Variants in RPS6KC1 observed in about 807,000 individuals in gnomAD.
RPS6KC1 encodes inactive ribosomal protein S6 kinase delta-1.
RPS6KC1 carries 54 observed loss-of-function variants against 103.8 expected under a neutral mutation model. The observed-to-expected ratio is 0.52, with a 90% CI of 0.42 to 0.65. RPS6KC1 has a LOEUF of 0.65. Ranked by LOEUF, RPS6KC1 falls within the 30% of genes least tolerant of loss-of-function variation. The probability of loss-of-function intolerance (pLI) is 0.00; values close to 1 mark genes in which losing one functional copy is unlikely to be tolerated. For synonymous variants in RPS6KC1, 439 were observed against 438.7 expected (o/e 1.00, Z -0.01); for missense variants, 1,151 against 1,253.8 (o/e 0.92, Z 1.24).
the RPS6KC1 span, among the ~76,000 whole-genome samples, chr1:213,438,686 C>T: frequency 2.0e-5 from 3 of 152,196 alleles, no homozygotes; most frequent in Non-Finnish European, 2.9e-5. Context: ...TTCTCAGCCT[C>T]TCATTCTAGT....
At chr1:213,463,755 C>A in the RPS6KC1 span, among the ~76,000 whole-genome samples, 19 of 152,106 alleles carry the variant, frequency 1.2e-4, no homozygotes, top group Non-Finnish European at 2.1e-4. Context: ...TGAAACTCTG[C>A]CCCACTTGAA....
At chr1:213,439,622 G>A in the RPS6KC1 span, among the ~76,000 whole-genome samples, 26 of 152,128 alleles carry the variant, frequency 1.7e-4, no homozygotes, top group Non-Finnish European at 2.9e-4. Context: ...GGGAAAATTT[G>A]AACTCAGATG....
chr1:213,277,336 G>T (rs77448584), downstream of RPS6KC1, among the ~76,000 whole-genome samples: 1,403 of 152,302 alleles, frequency 9.2e-3, 44 homozygotes, highest in East Asian at 0.07. Context: ...GTTTGGCCTT[G>T]TATTTTTGGT....
At chr1:213,357,551 G>C in the RPS6KC1 span, among the ~76,000 whole-genome samples, 1 of 152,206 alleles carries the variant, frequency 6.6e-6, no homozygotes, top group South Asian at 2.1e-4. Flanking sequence ...GGGGCAGTCA[G>C]GTGATGCACT....
the RPS6KC1 span, among the ~76,000 whole-genome samples, chr1:213,654,689 A>G: frequency 6.6e-6 from 1 of 152,166 alleles, no homozygotes; most frequent in Non-Finnish European, 1.5e-5. Context: ...AAAAAGTCAT[A>G]TTTCTAATAA....
the RPS6KC1 span, among the ~76,000 whole-genome samples, chr1:213,491,439 T>A: frequency 2.0e-5 from 3 of 152,090 alleles, no homozygotes; most frequent in African/African-American, 7.2e-5. Context: ...TCCCAGCTAC[T>A]ATGGAGGGTG....
At chr1:213,745,506 C>T in the RPS6KC1 span, among the ~76,000 whole-genome samples, 2 of 151,910 alleles carry the variant, frequency 1.3e-5, no homozygotes, top group South Asian at 2.1e-4. Flanking sequence ...AAAATGCCGC[C>T]GGATGATGTG....
At chr1:213,647,309 A>G in the RPS6KC1 span, among the ~76,000 whole-genome samples, 1 of 152,150 alleles carries the variant, frequency 6.6e-6, no homozygotes, top group Non-Finnish European at 1.5e-5. Context: ...TCATGGTTAG[A>G]TAGCCAAATA....
the RPS6KC1 span, among the ~76,000 whole-genome samples, chr1:213,400,082 T>A: frequency 1.3e-5 from 2 of 152,160 alleles, no homozygotes; most frequent in African/African-American, 2.4e-5. Context: ...TGGGCGGGGC[T>A]GCATAACCAG....
chr1:213,828,297 G>C, the RPS6KC1 span, among the ~76,000 whole-genome samples: 1 of 152,100 alleles, frequency 6.6e-6, no homozygotes, highest in South Asian at 2.1e-4. Context: ...TCTCCCCACA[G>C]TGCCACATCA....
At chr1:213,567,264 G>T in the RPS6KC1 span, among the ~76,000 whole-genome samples, 1 of 152,230 alleles carries the variant, frequency 6.6e-6, no homozygotes, top group African/African-American at 2.4e-5. Context: ...CTGAGTTTGA[G>T]TGTGGATTGT....
chr1:213,081,601 A>G (rs557238445), intron 3 of RPS6KC1, among the ~76,000 whole-genome samples: 1 of 151,616 alleles, frequency 6.6e-6, no homozygotes, highest in Admixed American at 6.6e-5. Context: ...AAGTGATGGT[A>G]TATCTCATTC....
chr1:213,808,424 G>GC, the RPS6KC1 span, among the ~76,000 whole-genome samples: 1 of 152,238 alleles, frequency 6.6e-6, no homozygotes, highest in Admixed American at 6.5e-5. Flanking sequence ...GAGCTGTGGT[G>GC]GGCTCCACCC....
intron 8 of RPS6KC1, chr1:213,205,459 A>G (rs1219994204): frequency 1.4e-6 from 1 of 730,848 alleles, no homozygotes; most frequent in African/African-American, 2.0e-5. Context: ...TCAAAGCTTT[A>G]AGAACGACCA....
At chr1:213,803,105 A>G in the RPS6KC1 span, among the ~76,000 whole-genome samples, 1 of 152,214 alleles carries the variant, frequency 6.6e-6, no homozygotes, top group Admixed American at 6.5e-5. Flanking sequence ...GTAATTGCCC[A>G]GCTAGTAATC....
At chr1:213,810,142 T>G in the RPS6KC1 span, among the ~76,000 whole-genome samples, 1 of 152,156 alleles carries the variant, frequency 6.6e-6, no homozygotes, top group South Asian at 2.1e-4. Context: ...TGCAATAATG[T>G]GGAATCAGGC....
the RPS6KC1 span, among the ~76,000 whole-genome samples, chr1:213,513,803 G>A: frequency 6.6e-6 from 1 of 152,198 alleles, no homozygotes; most frequent in African/African-American, 2.4e-5. Flanking sequence ...AAGTGGAGAG[G>A]TGGTGCAATG....
At chr1:213,066,432 G>T (rs1055222361) in intron 1 of RPS6KC1, among the ~76,000 whole-genome samples, 1 of 152,188 alleles carries the variant, frequency 6.6e-6, no homozygotes, top group Admixed American at 6.5e-5. Flanking sequence ...GAAGTATTTG[G>T]TGGGTACAGA....
chr1:213,293,272 T>A, the RPS6KC1 span, among the ~76,000 whole-genome samples: 4 of 152,256 alleles, frequency 2.6e-5, no homozygotes, highest in South Asian at 4.2e-4. Flanking sequence ...CAGCCATTGA[T>A]GTGTGATGGA....
Sources: allele counts gnomAD v4.1 joint callset (sites outside exome capture counted in the v4.1 genomes callset), GRCh38; gene constraint gnomAD v4.1.1; transcripts MANE v1.5; gene names NCBI Gene and HGNC (gene_info 2026-07-23, HGNC 2026-07-21).